The following CASKIN1 variants were observed in gnomAD, a reference collection of about 807,000 sequenced individuals.
The protein encoded by CASKIN1 is CASK interacting protein 1.
In CASKIN1, 42 loss-of-function variants were observed where a neutral mutation model predicts 117.5. The ratio of observed to expected loss-of-function variants is 0.36; its 90% CI spans 0.28 to 0.46. CASKIN1 has a LOEUF of 0.46. Among genes scored for constraint, CASKIN1 ranks in the 20% least tolerant of loss-of-function variants. CASKIN1 has a pLI of 1.00. For missense variants in CASKIN1, 2,083 were observed against 2,077.3 expected, an observed-to-expected ratio of 1.00 and a Z score of -0.05; for synonymous variants, 1,148 against 961.7, an observed-to-expected ratio of 1.19 and a Z score of -3.59.
rs2093158977 is a variant in CASKIN1, at chr16:2,179,516, G to A, written c.3775+77C>T. 7.2e-7 allele frequency: 1 copy of A among 1,398,594 alleles called. No individual in the cohort carries two copies. Among genetic ancestry groups the A allele is most frequent in the African/African-American group, 1.5e-5 (1 of 66,360 alleles). 86.6% of individuals were successfully genotyped at this position (1,398,594 alleles called of 1,614,324 possible). A position where few individuals can be genotyped will look rare whatever the true frequency, so the allele number is the denominator to read the frequency against. ...TGGGCTTCCATCAAACCCAAGAAAA[G>A]GAAAACCCCTCAGACCACCGAGTAA... On this transcript the variant is annotated intron_variant, in intron 18 of 19. Coordinates refer to ENST00000343516, the MANE Select transcript of CASKIN1 (RefSeq NM_020764.4). The surrounding 1 kb of genome is among the most constrained non-coding windows in gnomAD (Gnocchi z 5.8).
At chr16:2,184,909 G>A (rs1291445844) in intron 13 of CASKIN1, 41 bp from the exon 14 acceptor site, 1 of 1,580,500 alleles carries the variant, frequency 6.3e-7, no homozygotes, top group Admixed American at 1.8e-5. Context: ...CTGTCGGGCT[G>A]CTTTCCTCCA....
Position 2,179,172 on chromosome 16 carries a change from G to A in CASKIN1, c.3929C>T (p.Ala1310Val), listed in dbSNP as rs2093157233. 6 of 1,106,114 alleles carry A rather than the reference G, an allele frequency of 5.4e-6. No individual in the cohort carries two copies. The highest frequency in any genetic ancestry group is 8.6e-5 in the South Asian group (2 of 23,198). 68.5% of individuals were successfully genotyped at this position (1,106,114 alleles called of 1,614,324 possible). A position where few individuals can be genotyped will look rare whatever the true frequency, so the allele number is the denominator to read the frequency against. ...APSPARQPPA[A>V]LAKPPGTPPS... ...CGGCGTACCGGGCGGCTTGGCGAGG[G>A]CGGCGGGCGGCTGTCGCGCGGGCGA... The change falls in exon 19 of 20, where the codon GCC (alanine) becomes GTC (valine). Residue 1310 changes from alanine (A) to valine (V), a missense_variant. Around this residue, in one of 3 missense-constraint regions of CASKIN1, gnomAD observed 1,818 missense variants for 1,688.9 expected, o/e 1.08. Transcript: ENST00000343516. This position sits in a 1 kb window ranked among gnomAD's most constrained non-coding sequence, Gnocchi z 5.8.
chr16:2,186,681 G>A (rs1567261747), intron 10 of CASKIN1, 26 bp downstream of exon 10: 3 of 1,594,152 alleles, frequency 1.9e-6, no homozygotes, highest in Non-Finnish European at 2.6e-6. Context: ...GCTCCTGCCT[G>A]CCCCCCAGGG....
intron 6 of CASKIN1, among the ~76,000 whole-genome samples, chr16:2,188,696 C>A (rs2093192059): frequency 6.6e-6 from 1 of 152,100 alleles, no homozygotes; most frequent in Admixed American, 6.5e-5. Context: ...GCTAAGACTT[C>A]CCAGCTGTTA....
intron 16 of CASKIN1, 89 bp downstream of exon 16, chr16:2,183,557 G>T: frequency 1.6e-6 from 2 of 1,287,860 alleles, no homozygotes; most frequent in African/African-American, 1.5e-5. Flanking sequence ...CTGAGGGCGG[G>T]TGGGAGTTGT....
Position 2,183,852 on chromosome 16 carries a change from G to A in CASKIN1, c.1506C>T (p.Thr502=). 2 of 1,612,888 alleles carry A rather than the reference G, an allele frequency of 1.2e-6. No homozygotes were observed. The highest frequency in any genetic ancestry group is 1.7e-6 in the Non-Finnish European group (2 of 1,179,774). Residue 502 remains threonine, a synonymous_variant, in exon 15 of 20, where the codon ACC becomes ACT. Coordinates refer to ENST00000343516, the MANE Select transcript of CASKIN1 (RefSeq NM_020764.4). The part of the protein sequence containing the change: ...NFISAGYDLP[T]ISRMTPEDLT... Reference sequence around the variant, plus strand: ...TCACCTCGGGAGTCATGCGGCTGATGGTGGGCAGGTCGTAGCCGGCGCTGA... The same window carrying A: ...TCACCTCGGGAGTCATGCGGCTGATAGTGGGCAGGTCGTAGCCGGCGCTGA...
At position 2,184,726 on chromosome 16, in the gene CASKIN1, C is replaced by T. The variant is rs74986840; in HGVS notation, c.1416+51G>A. On this transcript the variant is annotated intron_variant, in intron 14 of 19. Transcript: ENST00000343516. ...TGTAAGCACCCATCAGCCCATCGGC[C>T]TTACAGCCTCTCCCCGGAGCCCACG... 1.3e-4 allele frequency: 191 copies of T among 1,427,554 alleles called. 1 individual carries two copies. In the East Asian group the frequency reaches 4.5e-3, roughly 33 times the overall value. The allele number at this position is 1,427,554 out of a possible 1,614,324, so 88.4% of individuals were successfully genotyped here. A position where few individuals can be genotyped will look rare whatever the true frequency, so the allele number is the denominator to read the frequency against.
In CASKIN1 at chr16:2,180,839, C is replaced by A; in HGVS notation, c.2529G>T (p.Glu843Asp). ...CAGGCCCCGGGGCAGCCGGCCCCAC[C>A]TCGCCCTCCACGGGCTGGGGCAGCA... ...AYVLPQPVEG[E>D]VGPAAPGPAP... The change falls in exon 18 of 20, where the codon GAG (glutamate) becomes GAT (aspartate). Residue 843 changes from glutamate (E) to aspartate (D), a missense_variant. Coordinates refer to ENST00000343516, the MANE Select transcript of CASKIN1 (RefSeq NM_020764.4). 1 of 1,394,946 alleles carries A rather than the reference C, an allele frequency of 7.2e-7. No homozygotes were observed. Among genetic ancestry groups the A allele is most frequent in the South Asian group, 1.6e-5 (1 of 60,888 alleles). 86.4% of individuals were successfully genotyped at this position (1,394,946 alleles called of 1,614,324 possible).
At chr16:2,190,423 G>C in intron 1 of CASKIN1, 65 bp from the exon 2 acceptor site, 1 of 1,437,658 alleles carries the variant, frequency 7.0e-7, no homozygotes, top group Non-Finnish European at 9.6e-7. Flanking sequence ...CCTGAGGGCA[G>C]GGAGAGGGGG....
rs1281563551 is a variant in CASKIN1, at chr16:2,178,070, G to A, written c.*480C>T. The A allele has an allele frequency of 4.2e-6, 2 of 481,766 alleles. No homozygotes were observed. The highest frequency in any genetic ancestry group is 2.0e-5 in the African/African-American group (1 of 49,562). 29.8% of individuals were successfully genotyped at this position (481,766 alleles called of 1,614,324 possible). A position where few individuals can be genotyped will look rare whatever the true frequency, so the allele number is the denominator to read the frequency against. On this transcript the variant is annotated 3_prime_UTR_variant, in exon 20 of 20. Transcript: ENST00000343516. Reference sequence around the variant, plus strand: ...ATATTTGTTAAAGTTATACCTTTTTGTTTCTCTGGGGAAATCCGCCTCAGC... The same window carrying A: ...ATATTTGTTAAAGTTATACCTTTTTATTTCTCTGGGGAAATCCGCCTCAGC...
Position 2,185,141 on chromosome 16 carries a change from G to A in CASKIN1, c.1209C>T (p.His403=), listed in dbSNP as rs535406756. 1.0e-4 allele frequency: 164 copies of A among 1,608,708 alleles called. No homozygotes were observed. The highest frequency in any genetic ancestry group is 1.2e-4 in the Non-Finnish European group (147 of 1,179,648). The change falls in exon 12 of 20, where the codon CAC becomes CAT. Residue 403 remains histidine (H), a synonymous_variant. Coordinates refer to ENST00000343516, the MANE Select transcript of CASKIN1 (RefSeq NM_020764.4). Reference sequence around the variant, plus strand: ...CGCCTTCAGAGCCCGCGTGTAGGGCGTGACCCCCGCTGCCCCGGCCGCCAG... The same window carrying A: ...CGCCTTCAGAGCCCGCGTGTAGGGCATGACCCCCGCTGCCCCGGCCGCCAG... ...GMAGGRGSGG[H]ALHAGSEGVK...
rs371730528 is a variant in CASKIN1, at chr16:2,187,020, G to A, written c.888C>T (p.Tyr296=). 15 of 1,613,816 alleles carry A rather than the reference G, an allele frequency of 9.3e-6. No individual in the cohort carries two copies. Among genetic ancestry groups the A allele is most frequent in the East Asian group, 6.7e-5 (3 of 44,856 alleles). ...VRATKDYCNN[Y]DLTSLNVKAG... ...CCTTCACGTTGAGGCTGGTCAGGTC[G>A]TAATTGTTGCAATAATCCTTGGTCG... The change falls in exon 9 of 20, where the codon TAC becomes TAT. Residue 296 remains tyrosine, a synonymous_variant. Coordinates refer to ENST00000343516, the MANE Select transcript of CASKIN1 (RefSeq NM_020764.4).
intron 1 of CASKIN1, among the ~76,000 whole-genome samples, chr16:2,194,584 C>G (rs1221587576): frequency 6.6e-6 from 1 of 152,208 alleles, no homozygotes; most frequent in Non-Finnish European, 1.5e-5. Flanking sequence ...TTTACTGAAT[C>G]AAAATACATC....
chr16:2,195,377 G>A (rs568161062), intron 1 of CASKIN1, among the ~76,000 whole-genome samples: 2 of 152,308 alleles, frequency 1.3e-5, no homozygotes, highest in Admixed American at 6.5e-5. Flanking sequence ...GTGGAGGGAG[G>A]AGGGAGGACG....
chr16:2,195,894 G>A (rs1209909868), intron 1 of CASKIN1, among the ~76,000 whole-genome samples: 1 of 151,990 alleles, frequency 6.6e-6, no homozygotes, highest in Non-Finnish European at 1.5e-5. Flanking sequence ...GCGGGAGGGG[G>A]TCTGCTAGGG....
Position 2,178,637 on chromosome 16 carries a change from C to T in CASKIN1, c.4209G>A (p.Ala1403=). The T allele has an allele frequency of 6.3e-7, 1 of 1,590,562 alleles. No homozygotes were observed. The highest frequency in any genetic ancestry group is 8.5e-7 in the Non-Finnish European group (1 of 1,174,256). Residue 1403 remains alanine (A), a synonymous_variant, in exon 20 of 20, where the codon GCG becomes GCA. Transcript: ENST00000343516. ...QEDAQGPRDS[A]AEKSTGSILD... Reference sequence around the variant, plus strand: ...GGATGCTGCCAGTGCTCTTTTCCGCCGCCGAGTCGCTGCGGGGCGCGGGGC... The same window carrying T: ...GGATGCTGCCAGTGCTCTTTTCCGCTGCCGAGTCGCTGCGGGGCGCGGGGC...
At chr16:2,190,035 C>T (rs199749430) in intron 3 of CASKIN1, 38 bp downstream of exon 3, 101 of 1,561,984 alleles carry the variant, frequency 6.5e-5, no homozygotes, top group African/African-American at 5.9e-4. Flanking sequence ...TCGCTGCCCC[C>T]GCCCCTGCCC....
intron 19 of CASKIN1, 27 bp downstream of exon 19, chr16:2,178,875 G>C (rs769130894): frequency 1.5e-6 from 2 of 1,372,784 alleles, no homozygotes; most frequent in East Asian, 3.1e-5. Flanking sequence ...CCCGCCCTCC[G>C]CCCGCCAGGC....
intron 1 of CASKIN1, among the ~76,000 whole-genome samples, chr16:2,193,348 C>T (rs1567264618): frequency 1.3e-5 from 2 of 152,286 alleles, no homozygotes; most frequent in Non-Finnish European, 1.5e-5. Flanking sequence ...AGGGGCCCTG[C>T]GTTTACATTT....
Sources: allele counts gnomAD v4.1 joint callset (sites outside exome capture counted in the v4.1 genomes callset), GRCh38; gene constraint gnomAD v4.1.1; regional missense constraint gnomAD v4.1.1; non-coding constraint Gnocchi (gnomAD v3.1); transcripts MANE v1.5; gene names NCBI Gene and HGNC (gene_info 2026-07-23, HGNC 2026-07-21).